TMOD2: variants seen among roughly 807,000 people sequenced by gnomAD.
TMOD2 encodes the protein tropomodulin-2.
TMOD2 carries 22 observed loss-of-function variants against 39.9 expected under a neutral mutation model. The observed-to-expected ratio is 0.55, with a 90% CI of 0.39 to 0.79. The LOEUF is 0.79. Among genes scored for constraint, TMOD2 ranks in the 30% least tolerant of loss-of-function variants. The pLI, the probability that TMOD2 is intolerant of heterozygous loss-of-function variation, is 0.00. For synonymous variants in TMOD2, 123 were observed against 146.1 expected, an observed-to-expected ratio of 0.84 and a Z score of 1.14; for missense variants, 386 against 413.3, an observed-to-expected ratio of 0.93 and a Z score of 0.57.
At chr15:51,779,075 C>T (rs1411190148) in intron 5 of TMOD2, among the ~76,000 whole-genome samples, 1 of 152,036 alleles carries the variant, frequency 6.6e-6, no homozygotes, top group Non-Finnish European at 1.5e-5. Flanking sequence ...TTCCACTCAG[C>T]CTTCTGAGTA....
Position 51,792,976 on chromosome 15 carries a change from G to A in TMOD2, c.733-5221G>A, listed in dbSNP as rs560399825. Reference sequence around the variant, plus strand: ...GTGTATACCTATGTAACACAACTGCGCATTCTGCACATGTAACCCAGAACT... The same window carrying A: ...GTGTATACCTATGTAACACAACTGCACATTCTGCACATGTAACCCAGAACT... On this transcript the variant is annotated intron_variant, in intron 7 of 9. Coordinates refer to ENST00000249700, the MANE Select transcript of TMOD2 (RefSeq NM_014548.4). Among the ~76,000 whole-genome samples the A allele has an allele frequency of 1.7e-4, 26 of 151,956 alleles. 1 individual carries two copies. Among genetic ancestry groups the A allele is most frequent in the East Asian group, 1.2e-3 (6 of 5,172 alleles).
intron 8 of TMOD2, among the ~76,000 whole-genome samples, chr15:51,801,238 C>CTCAT (rs58052393): frequency 1.7e-5 from 1 of 58,250 alleles, no homozygotes; most frequent in Non-Finnish European, 3.4e-5. Context: ...CTCTCTCTCT[C>CTCAT]ACACACACAC....
At chr15:51,799,974 A>G (rs1046579859) in intron 8 of TMOD2, among the ~76,000 whole-genome samples, 2 of 152,214 alleles carry the variant, frequency 1.3e-5, no homozygotes, top group Admixed American at 6.5e-5. Context: ...AGTTCCTTAC[A>G]AGATACCACC....
chr15:51,756,496 A>G (rs185118684), intron 1 of TMOD2: 18 of 152,342 alleles, frequency 1.2e-4, no homozygotes, highest in African/African-American at 3.1e-4. Context: ...TGCATGTTTT[A>G]CTGAGGAAGG....
chr15:51,762,923 G>A (rs1230271995), intron 1 of TMOD2, among the ~76,000 whole-genome samples: 3 of 151,884 alleles, frequency 2.0e-5, no homozygotes, highest in Non-Finnish European at 2.9e-5. Context: ...GTGGATATAC[G>A]ACAATTTGTT....
At chr15:51,786,206 C>G (rs149161136) in intron 7 of TMOD2, among the ~76,000 whole-genome samples, 2 of 152,124 alleles carry the variant, frequency 1.3e-5, no homozygotes, top group Non-Finnish European at 2.9e-5. Flanking sequence ...CCGAATCCCC[C>G]CTTCTCAAGG....
chr15:51,773,554 A>G (rs1272787377), intron 3 of TMOD2, among the ~76,000 whole-genome samples, 158 bp from the exon 4 acceptor site: 1 of 152,038 alleles, frequency 6.6e-6, no homozygotes, highest in African/African-American at 2.4e-5. Context: ...TGACTTATTG[A>G]TGTTGGTACC....
chr15:51,778,140 T>G (rs1264514250), intron 5 of TMOD2, among the ~76,000 whole-genome samples: 1 of 151,518 alleles, frequency 6.6e-6, no homozygotes, highest in African/African-American at 2.4e-5. Flanking sequence ...ATATACACCA[T>G]GGAATACTAT....
In TMOD2 at chr15:51,810,324, A is replaced by T. The variant is rs1278290055; in HGVS notation, c.*1870A>T. 6.6e-6 allele frequency: 1 copy of T among 152,224 alleles called. No individual in the cohort carries two copies. Among genetic ancestry groups the T allele is most frequent in the African/African-American group, 2.4e-5 (1 of 41,460 alleles). The allele number at this position is 152,224 out of a possible 1,614,324, so 9.4% of individuals were successfully genotyped here. A position where few individuals can be genotyped will look rare whatever the true frequency, so the allele number is the denominator to read the frequency against. On this transcript the variant is annotated 3_prime_UTR_variant, in exon 10 of 10. Coordinates refer to ENST00000249700, the MANE Select transcript of TMOD2 (RefSeq NM_014548.4). ...ATGAATTATATTAAGGACAGAAGTA[A>T]CAAATACTGTACTCAAAAATCTTAC...
intron 1 of TMOD2, among the ~76,000 whole-genome samples, chr15:51,756,925 T>C (rs1265978245): frequency 6.6e-6 from 1 of 152,216 alleles, no homozygotes; most frequent in East Asian, 1.9e-4. Flanking sequence ...GCGGTTGCTG[T>C]GTTATATTTG....
At chr15:51,803,717 C>T (rs1157637289) in intron 8 of TMOD2, among the ~76,000 whole-genome samples, 2 of 152,056 alleles carry the variant, frequency 1.3e-5, no homozygotes, top group African/African-American at 4.8e-5. Context: ...TGACAAAGGG[C>T]TAATTTCCTA....
intron 3 of TMOD2, among the ~76,000 whole-genome samples, chr15:51,773,020 G>A (rs369424790): frequency 7.2e-5 from 11 of 152,154 alleles, no homozygotes; most frequent in African/African-American, 2.7e-4. Flanking sequence ...ACTTCCAAGA[G>A]TTCCATGCAG....
At chr15:51,755,507 A>G (rs2055735813) in intron 1 of TMOD2, among the ~76,000 whole-genome samples, 1 of 152,304 alleles carries the variant, frequency 6.6e-6, no homozygotes, top group East Asian at 1.9e-4. Flanking sequence ...AATAGGGCAC[A>G]AGGCCAGCCA....
At chr15:51,794,190 A>G (rs992443521) in intron 7 of TMOD2, among the ~76,000 whole-genome samples, 3 of 152,150 alleles carry the variant, frequency 2.0e-5, no homozygotes, top group Admixed American at 6.5e-5. Context: ...ACTACTAAAT[A>G]TCCTTCAATA....
chr15:51,768,129 T>G, intron 2 of TMOD2, 133 bp from the exon 3 acceptor site: 1 of 1,034,222 alleles, frequency 9.7e-7, no homozygotes, highest in South Asian at 1.5e-5. Flanking sequence ...CCCCCAGCCC[T>G]CAGCTCACAC....
chr15:51,796,166 C>T (rs2056050250), intron 7 of TMOD2, among the ~76,000 whole-genome samples: 1 of 152,106 alleles, frequency 6.6e-6, no homozygotes, highest in Non-Finnish European at 1.5e-5. Context: ...GTTTTACCAA[C>T]AGACCTCTCC....
intron 5 of TMOD2, 89 bp from the exon 6 acceptor site, chr15:51,780,955 A>C: frequency 9.6e-7 from 1 of 1,044,228 alleles, no homozygotes; most frequent in Admixed American, 2.6e-5. Flanking sequence ...TGGAATCAGC[A>C]TATGAAAGAA....
intron 1 of TMOD2, among the ~76,000 whole-genome samples, chr15:51,766,056 G>T (rs2055814459): frequency 6.6e-6 from 1 of 152,204 alleles, no homozygotes; most frequent in African/African-American, 2.4e-5. Flanking sequence ...AGAAGGCGGG[G>T]CTCACGCATC....
intron 1 of TMOD2, among the ~76,000 whole-genome samples, chr15:51,759,487 A>G (rs2055764492): frequency 6.6e-6 from 1 of 152,200 alleles, no homozygotes; most frequent in Non-Finnish European, 1.5e-5. Flanking sequence ...ATAAGATGAG[A>G]CCTTGAAGAA....
Sources: allele counts gnomAD v4.1 joint callset (sites outside exome capture counted in the v4.1 genomes callset), GRCh38; gene constraint gnomAD v4.1.1; transcripts MANE v1.5; gene names NCBI Gene and HGNC (gene_info 2026-07-23, HGNC 2026-07-21).